Variants in CR1L observed in about 807,000 individuals in gnomAD.
CR1L encodes complement component receptor 1-like protein.
In CR1L, 59 loss-of-function variants were observed where a neutral mutation model predicts 62.3. That is an observed-to-expected ratio of 0.95 (90% CI 0.77 to 1.18). The LOEUF is 1.18. CR1L is among the 50% of genes most tolerant of loss of function. CR1L has a pLI of 0.00. For missense variants in CR1L, 700 were observed against 702.8 expected, an observed-to-expected ratio of 1.00 and a Z score of 0.04; for synonymous variants, 279 against 248.7, an observed-to-expected ratio of 1.12 and a Z score of -1.15.
chr1:207,674,446 T>C (rs1331555057), intron 1 of CR1L, among the ~76,000 whole-genome samples: 3 of 152,172 alleles, frequency 2.0e-5, no homozygotes, highest in African/African-American at 7.2e-5. Context: ...CAGCCACAAA[T>C]TGAGGGATTG....
At chr1:207,693,963 C>T (rs1219064709) in intron 4 of CR1L, among the ~76,000 whole-genome samples, 1 of 151,960 alleles carries the variant, frequency 6.6e-6, no homozygotes, top group Non-Finnish European at 1.5e-5. Context: ...TCTCTCTTCC[C>T]TTATACTTTA....
At chr1:207,708,849 A>G (rs4147104) in intron 10 of CR1L, 230,372 of 393,644 alleles carry the variant, frequency 0.59, 71,233 homozygotes, top group East Asian at 0.87. Flanking sequence ...CTGGTGGGAG[A>G]ATAAGTGGGA....
intron 1 of CR1L, among the ~76,000 whole-genome samples, chr1:207,663,644 A>T (rs149150945): frequency 0.038 from 5,825 of 152,250 alleles, 176 homozygotes; most frequent in South Asian, 0.12. Flanking sequence ...CGCTGCACCC[A>T]CTGTCCTGCA....
intron 5 of CR1L, among the ~76,000 whole-genome samples, chr1:207,697,205 T>C (rs139875908): frequency 5.9e-5 from 9 of 152,272 alleles, no homozygotes; most frequent in African/African-American, 1.4e-4. Flanking sequence ...TGAACAGTAA[T>C]TGGAAGCATT....
chr1:207,677,417 A>C lies in CR1L; in HGVS notation c.126A>C (p.Pro42=), dbSNP rs1663712702. Residue 42 remains proline (P), a synonymous_variant, in exon 2 of 12, where the codon CCA becomes CCC. Transcript: ENST00000508064. ...SDQCNVPEWL[P]FARPTNLTDD... is the part of the protein sequence containing the mutation. Reference sequence around the variant, plus strand: ...AATGCAATGTCCCGGAATGGCTTCCATTTGCCAGGCCTACCAACCTAACTG... The same window carrying C: ...AATGCAATGTCCCGGAATGGCTTCCCTTTGCCAGGCCTACCAACCTAACTG... 1 of 1,611,054 alleles carries C rather than the reference A, an allele frequency of 6.2e-7. No individual in the cohort carries two copies. Among genetic ancestry groups the C allele is most frequent in the South Asian group, 1.1e-5 (1 of 90,842 alleles).
rs1353304085 is a variant in CR1L, at chr1:207,694,593, T to A, written c.704T>A (p.Val235Glu). ...IIPNKCTPPN[V>E]ENGILVSDNR... is the part of the protein sequence containing the mutation. The stretch of plus-strand genomic sequence containing the variant: ...CCTAACAAATGCACGCCTCCAAATG[T>A]GGAAAATGGAATATTGGTATCTGAC... Residue 235 changes from valine to glutamate, a missense_variant, in exon 5 of 12, where the codon GTG (valine) becomes GAG (glutamate). Coordinates refer to ENST00000508064, the MANE Select transcript of CR1L (RefSeq NM_175710.2). 6.2e-7 allele frequency: 1 copy of A among 1,611,850 alleles called. No homozygotes were observed.
At chr1:207,698,617 C>A (rs1421558354) in intron 7 of CR1L, among the ~76,000 whole-genome samples, 2 of 152,216 alleles carry the variant, frequency 1.3e-5, no homozygotes, top group Admixed American at 6.5e-5. Flanking sequence ...CGGGGCCCAA[C>A]AGACATTGAG....
intron 1 of CR1L, among the ~76,000 whole-genome samples, chr1:207,663,556 C>G (rs943099965): frequency 1.3e-5 from 2 of 152,228 alleles, no homozygotes; most frequent in African/African-American, 4.8e-5. Flanking sequence ...CTTTCTTTGA[C>G]TAGGAAAGGG....
intron 9 of CR1L, 41 bp downstream of exon 9, chr1:207,701,659 A>G: frequency 6.2e-7 from 1 of 1,612,388 alleles, no homozygotes; most frequent in Non-Finnish European, 8.5e-7. Flanking sequence ...GAGTTCCAGC[A>G]CAGCAATACT....
At chr1:207,694,853 G>A (rs964980822) in intron 5 of CR1L, 102 bp downstream of exon 5, 1 of 1,566,400 alleles carries the variant, frequency 6.4e-7, no homozygotes, top group African/African-American at 1.4e-5. Flanking sequence ...TGCTGAGCAG[G>A]GTCGAGAAGC....
Position 207,708,173 on chromosome 1 carries a change from T to A in CR1L, c.1329-5T>A, listed in dbSNP as rs779499273. ...GCACAATTATTTTCCATTTTTTGCC[T>A]TTAGGCACCGACTCATTGGTCACTC... On this transcript the variant is annotated splice_polypyrimidine_tract_variant and splice_region_variant and intron_variant, in intron 9 of 11. Coordinates refer to ENST00000508064, the MANE Select transcript of CR1L (RefSeq NM_175710.2). 1 of 1,611,346 alleles carries A rather than the reference T, an allele frequency of 6.2e-7. No individual in the cohort carries two copies. The highest frequency in any genetic ancestry group is 8.5e-7 in the Non-Finnish European group (1 of 1,179,332).
rs904627005 is a variant in CR1L, at chr1:207,694,754, G to A, written c.862+3G>A. 1.2e-6 allele frequency: 2 copies of A among 1,611,876 alleles called. No individual in the cohort carries two copies. Among genetic ancestry groups the A allele is most frequent in the Admixed American group, 1.7e-5 (1 of 60,018 alleles). On this transcript the variant is annotated splice_donor_region_variant and intron_variant, in intron 5 of 11. Transcript: ENST00000508064. ...AGAGTTACCAAGCTGCTCCAGGGGTGAGTCTGACTGAGGCCTAGAAGGGCC... is the reference window on the plus strand; with the variant it reads ...AGAGTTACCAAGCTGCTCCAGGGGTAAGTCTGACTGAGGCCTAGAAGGGCC...
intron 1 of CR1L, chr1:207,669,500 TC>T: frequency 6.3e-7 from 1 of 1,582,596 alleles, no homozygotes; most frequent in Non-Finnish European, 8.6e-7. Context: ...GCGCCCGGTC[TC>T]CCCTTCTGCT....
intron 1 of CR1L, among the ~76,000 whole-genome samples, chr1:207,675,812 T>C (rs1663681288): frequency 6.6e-6 from 1 of 152,244 alleles, no homozygotes; most frequent in African/African-American, 2.4e-5. Flanking sequence ...TGCTTTAAAT[T>C]AAATCTACAA....
chr1:207,696,907 A>T (rs1196616850), intron 5 of CR1L, among the ~76,000 whole-genome samples: 12 of 152,136 alleles, frequency 7.9e-5, no homozygotes, highest in Admixed American at 7.9e-4. Context: ...TTCTCACTGG[A>T]GTGAAATGAA....
intron 7 of CR1L, 118 bp from the exon 8 acceptor site, chr1:207,699,071 C>T: frequency 7.7e-7 from 1 of 1,293,544 alleles, no homozygotes; most frequent in Middle Eastern, 2.4e-4. Context: ...CTGTGCAACT[C>T]TGCCACCTGC....
rs1211412192 is a variant in CR1L, at chr1:207,670,833, G to A, written c.98-6556G>A. On this transcript the variant is annotated intron_variant, in intron 1 of 11. Transcript: ENST00000508064. Reference sequence around the variant, plus strand: ...GCAATCTGTTGTCAGTGCTTACTGAGGTTCTCACAATAACCTCCAAATGTG... The same window carrying A: ...GCAATCTGTTGTCAGTGCTTACTGAAGTTCTCACAATAACCTCCAAATGTG... 1.3e-5 allele frequency among the ~76,000 whole-genome samples: 2 copies of A among 151,044 alleles called. 1 individual carries two copies. The highest frequency in any genetic ancestry group is 5.0e-5 in the African/African-American group (2 of 40,354).
At position 207,654,779 on chromosome 1, in the gene CR1L, C is replaced by T. The variant is rs189000398; in HGVS notation, c.97+9449C>T. On this transcript the variant is annotated intron_variant, in intron 1 of 11. Transcript: ENST00000508064. ...GTGAGAGGAACTTTAAGTGATTTAC[C>T]CAAGCTCAAGAAACTAGTAAGTTGG... Among the ~76,000 whole-genome samples the T allele has an allele frequency of 1.7e-4, 26 of 152,186 alleles. No individual in the cohort carries two copies. In the East Asian group the frequency reaches 4.8e-3, roughly 28 times the overall value.
chr1:207,658,247 C>T (rs1394315223), intron 1 of CR1L, among the ~76,000 whole-genome samples: 1 of 149,772 alleles, frequency 6.7e-6, no homozygotes, highest in Non-Finnish European at 1.5e-5. Flanking sequence ...AATTAAATCC[C>T]AAACTAGCAG....
Sources: allele counts gnomAD v4.1 joint callset (sites outside exome capture counted in the v4.1 genomes callset), GRCh38; gene constraint gnomAD v4.1.1; transcripts MANE v1.5; gene names NCBI Gene and HGNC (gene_info 2026-07-23, HGNC 2026-07-21).